HOXA3: variants seen among roughly 807,000 people sequenced by gnomAD.
HOXA3 encodes the protein homeobox protein Hox-A3.
Under a neutral mutation model 30.3 loss-of-function variants are expected in HOXA3, and 8 were observed. That is an observed-to-expected ratio of 0.26 (90% CI 0.15 to 0.48). HOXA3 has a LOEUF of 0.48. HOXA3 is among the 20% of genes least tolerant of loss of function. The pLI, the probability that HOXA3 is intolerant of heterozygous loss-of-function variation, is 0.99. For synonymous variants in HOXA3, 323 were observed against 273.1 expected, an observed-to-expected ratio of 1.18 and a Z score of -1.80; for missense variants, 653 against 614.4, an observed-to-expected ratio of 1.06 and a Z score of -0.66.
At position 27,130,158 on chromosome 7, in the gene HOXA3, G is replaced by A. The variant is rs1173540082; in HGVS notation, c.-389-3088C>T. The A allele has an allele frequency of 3.7e-6, 6 of 1,602,226 alleles. No individual in the cohort carries two copies. In the African/African-American group the frequency reaches 5.4e-5, roughly 14 times the overall value. ...TCTTCTTCATCCAGGGGTACACCAC[G>A]GGCTCCTTGCCCTTCAGGCCCAGCG... On this transcript the variant is annotated intron_variant, in intron 2 of 5. Transcript: ENST00000612286.
At chr7:27,145,452 GT>G (rs1782721690) in intron 1 of HOXA3, 4 of 557,884 alleles carry the variant, frequency 7.2e-6, no homozygotes, top group East Asian at 2.8e-5. Flanking sequence ...GTGAGGTTTT[GT>G]TTTGTTTTGT....
chr7:27,150,486 C>T (rs886200521), intron 1 of HOXA3: 3 of 152,514 alleles, frequency 2.0e-5, no homozygotes, highest in African/African-American at 7.2e-5. Flanking sequence ...CAGACCAGAG[C>T]CCAAAGCACA....
At chr7:27,118,854 C>T (rs1216860743) in intron 4 of HOXA3, among the ~76,000 whole-genome samples, 1 of 152,154 alleles carries the variant, frequency 6.6e-6, no homozygotes, top group Non-Finnish European at 1.5e-5. Context: ...TTTGCTAACA[C>T]CCACACCATA....
At chr7:27,130,260 C>A in intron 2 of HOXA3, 1 of 1,194,044 alleles carries the variant, frequency 8.4e-7, no homozygotes. Flanking sequence ...CGGGGGCCGC[C>A]TCGCAGCGCC....
intron 2 of HOXA3, among the ~76,000 whole-genome samples, chr7:27,137,874 G>C (rs572316274): frequency 6.6e-6 from 1 of 152,224 alleles, no homozygotes; most frequent in East Asian, 1.9e-4. Flanking sequence ...CACACCCCAG[G>C]GTGGAATATG....
At chr7:27,120,608 A>G (rs1485005976) in intron 4 of HOXA3, among the ~76,000 whole-genome samples, 1 of 151,784 alleles carries the variant, frequency 6.6e-6, no homozygotes, top group Non-Finnish European at 1.5e-5. Flanking sequence ...AAATGCCTTA[A>G]CGCCAGCAAA....
At position 27,108,604 on chromosome 7, in the gene HOXA3, A is replaced by G; in HGVS notation, c.643T>C (p.Tyr215His). 6.2e-7 allele frequency: 1 copy of G among 1,614,126 alleles called. No homozygotes were observed. The highest frequency in any genetic ancestry group is 8.5e-7 in the Non-Finnish European group (1 of 1,179,976). ...TCCACCCGGCGCGGCCGGCACAGGT[A>G]GCGGTTGAAGTGGAACTCTTTCTCC... ...ELEKEFHFNRYLCRPRRVEMA... is the reference protein window; with the variant it reads ...ELEKEFHFNRHLCRPRRVEMA... The change falls in exon 6 of 6, where the codon TAC becomes CAC. Residue 215 changes from tyrosine to histidine, a missense_variant. Tyr to His is a moderately conservative substitution (Grantham distance 83). Coordinates refer to ENST00000612286, the MANE Select transcript of HOXA3 (RefSeq NM_153631.3). The surrounding 1 kb of genome is among the most constrained non-coding windows in gnomAD (Gnocchi z 5.0).
chr7:27,112,689 G>T (rs989455683), intron 4 of HOXA3, among the ~76,000 whole-genome samples: 1 of 152,152 alleles, frequency 6.6e-6, no homozygotes, highest in African/African-American at 2.4e-5. Context: ...GTCAATGTCT[G>T]CCATTACAAA....
Position 27,152,459 on chromosome 7 carries a change from G to T in HOXA3, c.-665C>A, listed in dbSNP as rs1372035244. 1.7e-6 allele frequency: 2 copies of T among 1,151,534 alleles called. No individual in the cohort carries two copies. Among genetic ancestry groups the T allele is most frequent in the Non-Finnish European group, 2.2e-6 (2 of 921,240 alleles). The allele number at this position is 1,151,534 out of a possible 1,614,324, so 71.3% of individuals were successfully genotyped here. ...GAACGGAGCGCGCCCAATCTCCAGC[G>T]GGAGCCGCCAGGCCTGGCCTGGCCG... is the stretch of plus-strand genomic sequence containing the variant. On this transcript the variant is annotated 5_prime_UTR_variant, in exon 1 of 6. Transcript: ENST00000612286.
Position 27,110,222 on chromosome 7 carries a change from G to T in HOXA3, c.419C>A (p.Ala140Glu), listed in dbSNP as rs769208429. The change falls in exon 5 of 6, where the codon GCG becomes GAG. Residue 140 changes from alanine (A) to glutamate (E), a missense_variant. Coordinates refer to ENST00000612286, the MANE Select transcript of HOXA3 (RefSeq NM_153631.3). Reference sequence around the variant, plus strand: ...TGAGTTGAGCAGGGGGCTCTTGGCCGCGTTGGCAGGGGTAGGGTTGTTGCT... The same window carrying T: ...TGAGTTGAGCAGGGGGCTCTTGGCCTCGTTGGCAGGGGTAGGGTTGTTGCT... The part of the protein sequence containing the change: ...NASNNPTPAN[A>E]AKSPLLNSPT... 5 of 1,614,058 alleles carry T rather than the reference G, an allele frequency of 3.1e-6. No homozygotes were observed. Among genetic ancestry groups the T allele is most frequent in the Admixed American group, 1.7e-5 (1 of 60,004 alleles).
rs1482118541 is a variant in HOXA3 at position 27,114,835 on chromosome 7, TTA to T, written c.-120-4077_-120-4076del. On this transcript the variant is annotated intron_variant, in intron 4 of 5. Coordinates refer to ENST00000612286, the MANE Select transcript of HOXA3 (RefSeq NM_153631.3). ...AACATACATATATATATAATATATA[TTA>T]TATATATAATATATATTATATATAT... 6.4e-5 allele frequency among the ~76,000 whole-genome samples: 6 copies of T among 93,482 alleles called. 1 individual carries two copies. Among genetic ancestry groups the T allele is most frequent in the African/African-American group, 1.6e-4 (4 of 25,682 alleles). 61.3% of individuals were successfully genotyped at this position (93,482 alleles called of 152,430 possible). A position where few individuals can be genotyped will look rare whatever the true frequency, so the allele number is the denominator to read the frequency against.
intron 2 of HOXA3, chr7:27,129,669 G>T: frequency 7.7e-7 from 1 of 1,293,054 alleles, no homozygotes; most frequent in Non-Finnish European, 1.1e-6. Flanking sequence ...AAGAGCAATT[G>T]GACATCATCA....
intron 2 of HOXA3, among the ~76,000 whole-genome samples, chr7:27,127,434 G>C (rs2128052962): frequency 6.6e-6 from 1 of 152,346 alleles, no homozygotes; most frequent in East Asian, 1.9e-4. Context: ...AGGGGTACCA[G>C]CTCTGACACT....
chr7:27,127,059 CT>C lies in HOXA3; in HGVS notation c.-379del, dbSNP rs1451696707. The stretch of plus-strand genomic sequence containing the variant: ...TCCACAGACTTTTCCCAGAGAATGC[CT>C]TTCAGAATTGCTGTTGAATTACAAA... On this transcript the variant is annotated 5_prime_UTR_variant, in exon 3 of 6. An upstream open reading frame in the 5' UTR gains an earlier in-frame stop. Coordinates refer to ENST00000612286, the MANE Select transcript of HOXA3 (RefSeq NM_153631.3). The C allele has an allele frequency of 6.6e-6, 1 of 152,038 alleles. No homozygotes were observed. The highest frequency in any genetic ancestry group is 6.6e-5 in the Admixed American group (1 of 15,264). 9.4% of individuals were successfully genotyped at this position (152,038 alleles called of 1,614,324 possible).
chr7:27,110,260 AG>A lies in HOXA3; in HGVS notation c.380del (p.Pro127LeufsTer33). Reference protein sequence around the residue: ...AAPPPPSSASPPQNASNNPTP... With the variant: ...AAPPPPSSASXPQNASNNPTP... ...TAGGGTTGTTGCTGGCATTCTGAGG[AG>A]GGGAGGCAGAAGAGGGAGGCGGGGG... On this transcript the variant is annotated frameshift_variant, in exon 5 of 6. Coordinates refer to ENST00000612286, the MANE Select transcript of HOXA3 (RefSeq NM_153631.3). LOFTEE classifies it high-confidence loss of function. 1 of 1,396,424 alleles carries A rather than the reference AG, an allele frequency of 7.2e-7. No homozygotes were observed. The allele number at this position is 1,396,424 out of a possible 1,614,324, so 86.5% of individuals were successfully genotyped here. A position where few individuals can be genotyped will look rare whatever the true frequency, so the allele number is the denominator to read the frequency against.
intron 1 of HOXA3, chr7:27,151,570 C>T (rs1426233250): frequency 4.4e-6 from 2 of 456,654 alleles, no homozygotes; most frequent in African/African-American, 2.0e-5. Context: ...TCTCCTCCAA[C>T]ACAGAATTCC....
rs17437369 is a variant in HOXA3 at position 27,140,195 on chromosome 7, G to C, written c.-493-9C>G. On this transcript the variant is annotated splice_polypyrimidine_tract_variant and intron_variant, in intron 1 of 5. Transcript: ENST00000612286. ...CAGGCGGCACACGTAGCCTGCAAAA[G>C]AGTCAAATGGAGTCCAGCGTTAGTG... 2 of 152,116 alleles carry C rather than the reference G, an allele frequency of 1.3e-5. No homozygotes were observed. The highest frequency in any genetic ancestry group is 4.8e-5 in the African/African-American group (2 of 41,394). 9.4% of individuals were successfully genotyped at this position (152,116 alleles called of 1,614,324 possible).
chr7:27,149,815 A>G (rs1037154811), intron 1 of HOXA3, among the ~76,000 whole-genome samples: 1 of 152,390 alleles, frequency 6.6e-6, no homozygotes, highest in African/African-American at 2.4e-5. Context: ...CTTAAACAAA[A>G]TTATCAGACA....
intron 2 of HOXA3, chr7:27,128,900 T>G: frequency 2.6e-6 from 1 of 383,942 alleles, no homozygotes; most frequent in Non-Finnish European, 4.8e-6. Flanking sequence ...CCACTCAGCA[T>G]GGGCTGTCCA....
Sources: allele counts gnomAD v4.1 joint callset (sites outside exome capture counted in the v4.1 genomes callset), GRCh38; gene constraint gnomAD v4.1.1; non-coding constraint Gnocchi (gnomAD v3.1); transcripts MANE v1.5; gene names NCBI Gene and HGNC (gene_info 2026-07-23, HGNC 2026-07-21).